The following RANBP9 variants were observed in gnomAD, a reference collection of about 807,000 sequenced individuals.
RANBP9 encodes ran-binding protein 9.
In RANBP9, 15 loss-of-function variants were observed where a neutral mutation model predicts 84.3. The observed-to-expected ratio is 0.18, with a 90% CI of 0.12 to 0.27. The LOEUF is 0.27. RANBP9 is among the 10% of genes least tolerant of loss of function. The pLI, the probability that RANBP9 is intolerant of heterozygous loss-of-function variation, is 1.00. For missense variants in RANBP9, 809 were observed against 912.8 expected, an observed-to-expected ratio of 0.89 and a Z score of 1.46; for synonymous variants, 392 against 349.6, an observed-to-expected ratio of 1.12 and a Z score of -1.35.
chr6:13,630,791 T>A (rs1176778449), intron 12 of RANBP9, among the ~76,000 whole-genome samples: 1 of 151,952 alleles, frequency 6.6e-6, no homozygotes, highest in African/African-American at 2.4e-5. Context: ...AAACCAAGCA[T>A]TAAAGAGACT....
chr6:13,662,628 T>C (rs935588653), intron 2 of RANBP9, among the ~76,000 whole-genome samples: 5 of 152,176 alleles, frequency 3.3e-5, no homozygotes, highest in Admixed American at 6.6e-5. Flanking sequence ...TAAGGACACA[T>C]AGGTGTTTTC....
intron 2 of RANBP9, among the ~76,000 whole-genome samples, chr6:13,688,325 T>C (rs1247559482): frequency 1.3e-5 from 2 of 152,220 alleles, no homozygotes; most frequent in Admixed American, 6.5e-5. Context: ...CCTGAGCAAC[T>C]GAAGGACAGA....
chr6:13,630,235 G>T (rs1377137332), intron 12 of RANBP9, among the ~76,000 whole-genome samples: 3 of 152,032 alleles, frequency 2.0e-5, no homozygotes, highest in Non-Finnish European at 4.4e-5. Context: ...AAAGTAGCTG[G>T]CATTTGCTTA....
intron 1 of RANBP9, among the ~76,000 whole-genome samples, chr6:13,706,525 T>G (rs368064202): frequency 6.6e-6 from 1 of 151,140 alleles, no homozygotes; most frequent in African/African-American, 2.4e-5. Context: ...AAACCTCCCC[T>G]CTACTAAAAA....
chr6:13,640,730 G>T (rs961849961), intron 8 of RANBP9, among the ~76,000 whole-genome samples: 7 of 152,164 alleles, frequency 4.6e-5, no homozygotes, highest in African/African-American at 1.7e-4. Context: ...GTGGTTTCCA[G>T]GGGCTAGGGG....
chr6:13,633,376 C>A (rs546721993), intron 11 of RANBP9, among the ~76,000 whole-genome samples: 3 of 152,300 alleles, frequency 2.0e-5, no homozygotes, highest in South Asian at 2.1e-4. Context: ...AATAATTTAA[C>A]TGTATAAATT....
At chr6:13,657,645 T>A (rs574583599) in intron 3 of RANBP9, among the ~76,000 whole-genome samples, 1 of 152,316 alleles carries the variant, frequency 6.6e-6, no homozygotes, top group Non-Finnish European at 1.5e-5. Context: ...TTATATAACA[T>A]AAGAGATTAC....
At position 13,711,482 on chromosome 6, in the gene RANBP9, C is replaced by A; in HGVS notation, c.24G>T (p.Pro8=). The A allele has an allele frequency of 8.0e-7, 1 of 1,243,540 alleles. No individual in the cohort carries two copies. Among genetic ancestry groups the A allele is most frequent in the Non-Finnish European group, 1.0e-6 (1 of 993,246 alleles). 77.0% of individuals were successfully genotyped at this position (1,243,540 alleles called of 1,614,324 possible). The change falls in exon 1 of 14, where the codon CCG becomes CCT. Residue 8 remains proline (P), a synonymous_variant. Coordinates refer to ENST00000011619, the MANE Select transcript of RANBP9 (RefSeq NM_005493.3). ...GCTGCTGTTGCTGCTGCTGCGGCGG[C>A]GGCGGCGGCGGCTGCCCGGACATCC... MSGQPPP[P]PPQQQQQQQQ...
chr6:13,627,630 CA>C (rs35401168), intron 12 of RANBP9, among the ~76,000 whole-genome samples: 2,076 of 66,456 alleles, frequency 0.031, 7 homozygotes, highest in South Asian at 0.054. Flanking sequence ...ACTCCATCTC[CA>C]AAAAAAAAAA....
chr6:13,682,996 G>C (rs979119667), intron 2 of RANBP9, among the ~76,000 whole-genome samples: 1 of 152,146 alleles, frequency 6.6e-6, no homozygotes, highest in Non-Finnish European at 1.5e-5. Context: ...TATTAACTCT[G>C]TCTTCTGTAT....
intron 13 of RANBP9, among the ~76,000 whole-genome samples, chr6:13,625,292 T>C (rs1008728483): frequency 6.6e-6 from 1 of 152,160 alleles, no homozygotes; most frequent in Non-Finnish European, 1.5e-5. Context: ...TAAAGAGGGC[T>C]GTAAGGAATG....
intron 2 of RANBP9, among the ~76,000 whole-genome samples, chr6:13,681,332 T>C (rs1766031988): frequency 6.6e-6 from 1 of 151,792 alleles, no homozygotes. Context: ...ATTTTAGTTG[T>C]GGTTGTTATG....
chr6:13,704,398 C>A (rs1758048270), intron 1 of RANBP9, among the ~76,000 whole-genome samples: 1 of 152,132 alleles, frequency 6.6e-6, no homozygotes, highest in African/African-American at 2.4e-5. Context: ...GAGGCTAAGG[C>A]AGGCAGATGG....
At chr6:13,704,183 C>G (rs1290454798) in intron 1 of RANBP9, among the ~76,000 whole-genome samples, 1 of 152,168 alleles carries the variant, frequency 6.6e-6, no homozygotes, top group Non-Finnish European at 1.5e-5. Flanking sequence ...ATTTACTATT[C>G]CCACTCTTGT....
chr6:13,635,724 C>G (rs779744382), intron 10 of RANBP9, among the ~76,000 whole-genome samples: 3 of 151,410 alleles, frequency 2.0e-5, no homozygotes, highest in African/African-American at 4.9e-5. Context: ...TAACAAACTT[C>G]GAAAATTGGT....
chr6:13,688,397 C>T (rs1275699591), intron 2 of RANBP9, among the ~76,000 whole-genome samples: 1 of 152,150 alleles, frequency 6.6e-6, no homozygotes, highest in Non-Finnish European at 1.5e-5. Context: ...AGATAGACTT[C>T]CCTGATCACC....
At chr6:13,696,656 T>C in intron 2 of RANBP9, 129 bp downstream of exon 2, 1 of 695,120 alleles carries the variant, frequency 1.4e-6, no homozygotes, top group Non-Finnish European at 2.4e-6. Flanking sequence ...TCTGTTATAC[T>C]GAAATATTCA....
chr6:13,658,714 C>G, intron 3 of RANBP9, 66 bp downstream of exon 3: 1 of 1,278,374 alleles, frequency 7.8e-7, no homozygotes. Flanking sequence ...CAATTTCTTA[C>G]TTGAAAAATT....
Position 13,711,798 on chromosome 6 carries a change from G to A in RANBP9, c.-293C>T, listed in dbSNP as rs1047982727. 2.7e-5 allele frequency among the ~76,000 whole-genome samples: 4 copies of A among 146,060 alleles called. No individual in the cohort carries two copies. Among genetic ancestry groups the A allele is most frequent in the Non-Finnish European group, 6.1e-5 (4 of 65,676 alleles). On this transcript the variant is annotated 5_prime_UTR_variant, in exon 1 of 14. Transcript: ENST00000011619. ...GCGGGAGCGCGGGAGGGGAAGGCGCGCTGGCGGCCGCCGCGGCCGCTGCTC... is the reference window on the plus strand; with the variant it reads ...GCGGGAGCGCGGGAGGGGAAGGCGCACTGGCGGCCGCCGCGGCCGCTGCTC...
Sources: allele counts gnomAD v4.1 joint callset (sites outside exome capture counted in the v4.1 genomes callset), GRCh38; gene constraint gnomAD v4.1.1; transcripts MANE v1.5; gene names NCBI Gene and HGNC (gene_info 2026-07-23, HGNC 2026-07-21).